The following SEMA3A variants were observed in gnomAD, a reference collection of about 807,000 sequenced individuals.
SEMA3A encodes the protein semaphorin 3A, also known as semaphorin-3A.
SEMA3A carries 29 observed loss-of-function variants against 97.9 expected under a neutral mutation model. That is an observed-to-expected ratio of 0.30 (90% confidence interval 0.22 to 0.40). SEMA3A has a LOEUF of 0.40. SEMA3A is among the 10% of genes least tolerant of loss of function. The pLI, the probability that SEMA3A is intolerant of heterozygous loss-of-function variation, is 1.00. For missense variants in SEMA3A, 763 were observed against 951.3 expected (o/e 0.80, Z 2.60); for synonymous variants, 321 against 323.7 (o/e 0.99, Z 0.09).
intron 4 of SEMA3A, among the ~76,000 whole-genome samples, chr7:84,091,519 T>C (rs1418376020): frequency 2.0e-5 from 3 of 152,048 alleles, no homozygotes; most frequent in Non-Finnish European, 4.4e-5. Flanking sequence ...TGGGTGGAGA[T>C]TTAGAATGAT....
chr7:84,376,156 G>A (rs532610369), intron 1 of SEMA3A, among the ~76,000 whole-genome samples: 1 of 152,270 alleles, frequency 6.6e-6, no homozygotes, highest in South Asian at 2.1e-4. Context: ...GTAATAAACA[G>A]GGATGCAGAC....
At chr7:84,403,663 C>G (rs1803975345) in intron 1 of SEMA3A, among the ~76,000 whole-genome samples, 1 of 152,136 alleles carries the variant, frequency 6.6e-6, no homozygotes, top group Admixed American at 6.5e-5. Flanking sequence ...CGGACTGACA[C>G]CTCACACAGC....
intron 1 of SEMA3A, among the ~76,000 whole-genome samples, chr7:84,455,939 A>T (rs1001779877): frequency 1.3e-5 from 2 of 151,986 alleles, no homozygotes; most frequent in Admixed American, 1.3e-4. Context: ...AGCTTGTGAG[A>T]CAGCTGAATA....
intron 2 of SEMA3A, among the ~76,000 whole-genome samples, chr7:84,356,242 T>C (rs1005969769): frequency 6.6e-6 from 1 of 151,860 alleles, no homozygotes; most frequent in Non-Finnish European, 1.5e-5. Context: ...TTATAGTATA[T>C]GCAACACACT....
chr7:84,216,158 G>C (rs1201824650), intron 3 of SEMA3A, among the ~76,000 whole-genome samples: 1 of 152,088 alleles, frequency 6.6e-6, no homozygotes, highest in East Asian at 1.9e-4. Flanking sequence ...CACCATCTCG[G>C]CTCACTGCCA....
chr7:84,135,019 C>T, intron 1 of SEMA3A, 68 bp from the exon 2 acceptor site: 14 of 1,284,120 alleles, frequency 1.1e-5, no homozygotes, highest in Non-Finnish European at 1.4e-5. Context: ...ACTGTTGGTA[C>T]ATGGTAACCT....
chr7:84,140,154 C>T (rs895349557), intron 1 of SEMA3A, among the ~76,000 whole-genome samples: 1 of 152,196 alleles, frequency 6.6e-6, no homozygotes, highest in Middle Eastern at 3.4e-3. Context: ...GGATTGGGAA[C>T]ACTTACACAA....
intron 1 of SEMA3A, among the ~76,000 whole-genome samples, chr7:84,190,120 C>T (rs1254020150): frequency 6.6e-6 from 1 of 151,566 alleles, no homozygotes; most frequent in African/African-American, 2.4e-5. Flanking sequence ...GTTTTGCGGT[C>T]TCAGTTATTT....
intron 1 of SEMA3A, among the ~76,000 whole-genome samples, chr7:84,161,532 T>C (rs1054401929): frequency 2.0e-5 from 3 of 152,156 alleles, no homozygotes; most frequent in African/African-American, 7.2e-5. Flanking sequence ...AGTTTCACAC[T>C]ACCAAACTAT....
rs115208042 is a variant in SEMA3A, at chr7:84,147,845, T to C, written c.113-12894A>G. On this transcript the variant is annotated intron_variant, in intron 1 of 16. Transcript: ENST00000265362. ...AATTTAAATTTGTCATTTTAAAAAATAGTTGTTTACCTCAGAGGTTATTTT... is the reference window on the plus strand; with the variant it reads ...AATTTAAATTTGTCATTTTAAAAAACAGTTGTTTACCTCAGAGGTTATTTT... Among the ~76,000 whole-genome samples, 1,260 of 152,222 alleles carry C rather than the reference T, an allele frequency of 8.3e-3. 17 individuals are homozygous for C. The highest frequency in any genetic ancestry group is 0.029 in the African/African-American group (1,186 of 41,536).
At chr7:84,430,211 A>G (rs1259129199) in intron 1 of SEMA3A, among the ~76,000 whole-genome samples, 5 of 151,968 alleles carry the variant, frequency 3.3e-5, no homozygotes, top group African/African-American at 2.4e-5. Context: ...ATTATGACAC[A>G]TGTTCAGAAT....
At chr7:84,028,869 T>G (rs2116458836) in intron 6 of SEMA3A, among the ~76,000 whole-genome samples, 1 of 152,312 alleles carries the variant, frequency 6.6e-6, no homozygotes, top group African/African-American at 2.4e-5. Context: ...TCTGCCCGCC[T>G]CGGCCTCCCA....
chr7:84,375,013 A>G (rs1029598259), intron 1 of SEMA3A, among the ~76,000 whole-genome samples: 3 of 151,874 alleles, frequency 2.0e-5, no homozygotes, highest in Non-Finnish European at 4.4e-5. Context: ...AATAAGTAAT[A>G]TTTTATTTTA....
chr7:84,202,532 C>G (rs1384642859), intron 3 of SEMA3A, among the ~76,000 whole-genome samples: 1 of 152,130 alleles, frequency 6.6e-6, no homozygotes, highest in Non-Finnish European at 1.5e-5. Flanking sequence ...ATGTGGTAGT[C>G]TCTTTCTTGG....
intron 3 of SEMA3A, among the ~76,000 whole-genome samples, chr7:84,111,056 A>T (rs1226407131): frequency 1.3e-5 from 2 of 152,198 alleles, no homozygotes; most frequent in Non-Finnish European, 2.9e-5. Flanking sequence ...CCTCTAATAA[A>T]CATAAAGTTT....
intron 1 of SEMA3A, among the ~76,000 whole-genome samples, chr7:84,427,478 C>T (rs1804857108): frequency 6.6e-6 from 1 of 151,564 alleles, no homozygotes; most frequent in South Asian, 2.1e-4. Flanking sequence ...GAAACCCTGT[C>T]TCTACTAAAA....
At chr7:84,442,276 T>A (rs1805290703) in intron 1 of SEMA3A, among the ~76,000 whole-genome samples, 1 of 152,150 alleles carries the variant, frequency 6.6e-6, no homozygotes, top group Non-Finnish European at 1.5e-5. Flanking sequence ...TTAGTTTCAG[T>A]TTTGAACACA....
intron 3 of SEMA3A, among the ~76,000 whole-genome samples, chr7:84,115,032 G>A (rs1233990160): frequency 2.0e-5 from 3 of 152,078 alleles, no homozygotes. Flanking sequence ...TTTACCTTCA[G>A]TATTTAGAAT....
At chr7:84,278,904 T>G (rs1004724227) in intron 3 of SEMA3A, among the ~76,000 whole-genome samples, 1 of 151,992 alleles carries the variant, frequency 6.6e-6, no homozygotes, top group Non-Finnish European at 1.5e-5. Context: ...ATATCACATG[T>G]CAAAATGACT....
Sources: gnomAD v4.1 joint callset for allele counts (sites outside exome capture counted in the v4.1 genomes callset) on GRCh38, gnomAD v4.1.1 for gene constraint, MANE v1.5 for transcripts, NCBI Gene and HGNC (gene_info 2026-07-23, HGNC 2026-07-21) for gene names.